Variants in TAB2 observed in about 807,000 individuals in gnomAD.
The protein encoded by TAB2 is TGF-beta-activated kinase 1 and MAP3K7-binding protein 2.
In TAB2, 3 loss-of-function variants were observed where a neutral mutation model predicts 65.0. That is an observed-to-expected ratio of 0.05 (90% CI 0.02 to 0.12). The LOEUF (loss-of-function observed/expected upper bound fraction) is 0.12. TAB2 is among the 10% of genes least tolerant of loss of function. TAB2 has a pLI of 1.00. For synonymous variants in TAB2, 298 were observed against 285.1 expected, an observed-to-expected ratio of 1.05 and a Z score of -0.46; for missense variants, 623 against 840.3, an observed-to-expected ratio of 0.74 and a Z score of 3.20.
chr6:149,295,098 A>G (rs980199676), intron 1 of TAB2, among the ~76,000 whole-genome samples: 9 of 152,210 alleles, frequency 5.9e-5, no homozygotes, highest in Admixed American at 4.6e-4. Context: ...TAGAGTTTTC[A>G]TCTTGAGTGG....
chr6:149,222,240 C>A (rs1039781972), intron 1 of TAB2, among the ~76,000 whole-genome samples: 1 of 152,176 alleles, frequency 6.6e-6, no homozygotes, highest in Non-Finnish European at 1.5e-5. Context: ...AATTACACCA[C>A]CAGCTTTCCT....
chr6:149,388,139 T>C (rs1781862225), intron 3 of TAB2, among the ~76,000 whole-genome samples: 1 of 152,230 alleles, frequency 6.6e-6, no homozygotes, highest in Non-Finnish European at 1.5e-5. Context: ...CTAAGATTTA[T>C]TTCTAGCTCA....
At chr6:149,306,581 C>CA (rs969592029) in intron 1 of TAB2, among the ~76,000 whole-genome samples, 343 of 142,554 alleles carry the variant, frequency 2.4e-3, no homozygotes, top group African/African-American at 6.3e-3. Context: ...AAACAAAAAA[C>CA]AAAAAAAAAC....
At chr6:149,363,618 T>G (rs1780931768) in intron 1 of TAB2, among the ~76,000 whole-genome samples, 1 of 152,204 alleles carries the variant, frequency 6.6e-6, no homozygotes, top group African/African-American at 2.4e-5. Flanking sequence ...GGATAGAATG[T>G]TGACCATTGT....
chr6:149,342,392 C>T (rs1036148221), intron 1 of TAB2, among the ~76,000 whole-genome samples: 1 of 152,170 alleles, frequency 6.6e-6, no homozygotes, highest in Admixed American at 6.5e-5. Flanking sequence ...TCTGTGGTCT[C>T]CTGTTGGACA....
chr6:149,242,409 T>C (rs1312209359), intron 1 of TAB2, among the ~76,000 whole-genome samples: 2 of 152,212 alleles, frequency 1.3e-5, no homozygotes, highest in Non-Finnish European at 2.9e-5. Context: ...CACTTTGAAA[T>C]CTAAATAAAC....
chr6:149,225,695 C>G (rs1041547252), intron 1 of TAB2, among the ~76,000 whole-genome samples: 3 of 151,952 alleles, frequency 2.0e-5, no homozygotes, highest in African/African-American at 4.8e-5. Flanking sequence ...TGGACAGATT[C>G]CAAGTAAACT....
intron 1 of TAB2, chr6:149,220,899 G>C (rs1309351063): frequency 6.6e-6 from 1 of 152,148 alleles, no homozygotes; most frequent in Non-Finnish European, 1.5e-5. Context: ...TTACAAGCGT[G>C]AACCACCATG....
chr6:149,375,772 G>A (rs944200887), intron 2 of TAB2, among the ~76,000 whole-genome samples: 8 of 152,156 alleles, frequency 5.3e-5, no homozygotes, highest in African/African-American at 1.9e-4. Flanking sequence ...GATAAAGATT[G>A]TGATCAGTTT....
At chr6:149,349,075 A>C (rs2114799694) in intron 1 of TAB2, among the ~76,000 whole-genome samples, 1 of 152,172 alleles carries the variant, frequency 6.6e-6, no homozygotes, top group Non-Finnish European at 1.5e-5. Flanking sequence ...ATGAGACCTA[A>C]AGTTTGCTTA....
At chr6:149,286,571 T>C (rs994711461) in intron 1 of TAB2, among the ~76,000 whole-genome samples, 4 of 152,212 alleles carry the variant, frequency 2.6e-5, no homozygotes, top group African/African-American at 7.2e-5. Flanking sequence ...ATGCTTTGAC[T>C]CATTAATTCA....
chr6:149,364,478 A>G (rs1194587943), intron 1 of TAB2, among the ~76,000 whole-genome samples: 1 of 152,050 alleles, frequency 6.6e-6, no homozygotes. Context: ...AGTGCAGAAG[A>G]CGCAGACAGA....
intron 1 of TAB2, among the ~76,000 whole-genome samples, chr6:149,219,430 T>G (rs1356880443): frequency 1.3e-5 from 2 of 152,004 alleles, no homozygotes; most frequent in Admixed American, 1.3e-4. Flanking sequence ...ATAAGGAAAC[T>G]AAGGTCAAAC....
intron 1 of TAB2, among the ~76,000 whole-genome samples, chr6:149,285,690 T>C (rs1045801995): frequency 4.6e-5 from 7 of 152,212 alleles, no homozygotes; most frequent in Non-Finnish European, 7.3e-5. Context: ...ACCCCTTCTA[T>C]ACCTCAACCT....
chr6:149,398,835 A>G (rs566091045), intron 5 of TAB2, among the ~76,000 whole-genome samples: 2 of 152,250 alleles, frequency 1.3e-5, no homozygotes, highest in East Asian at 3.9e-4. Flanking sequence ...ACAGGGATCT[A>G]CTTCTACTTC....
intron 1 of TAB2, among the ~76,000 whole-genome samples, chr6:149,229,410 GTGTGTGTGTT>G (rs1234592581): frequency 6.6e-6 from 1 of 152,178 alleles, no homozygotes; most frequent in East Asian, 1.9e-4. Flanking sequence ...GTGTGTGTGT[GTGTGTGTGTT>G]TGTGTGTGTG....
rs115077115 is a variant in TAB2, at chr6:149,227,783, A to G, written c.-121+9007A>G. On this transcript the variant is annotated intron_variant, in intron 1 of 1. Transcript: ENST00000606202. ...TGTAAAATGTGGAATTTACTTTAAA[A>G]TAATCTGTGAGATGGGAGTGGTCGC... Among the ~76,000 whole-genome samples, 1,390 of 152,342 alleles carry G rather than the reference A, an allele frequency of 9.1e-3. 23 individuals carry two copies. The highest frequency in any genetic ancestry group is 0.032 in the African/African-American group (1,328 of 41,580).
At chr6:149,407,440 G>A (rs567171640) in intron 6 of TAB2, among the ~76,000 whole-genome samples, 2 of 152,180 alleles carry the variant, frequency 1.3e-5, no homozygotes, top group African/African-American at 4.8e-5. Context: ...AGTATATGAA[G>A]GTTCATTTTG....
intron 1 of TAB2, among the ~76,000 whole-genome samples, chr6:149,297,933 G>T (rs1010278744): frequency 1.3e-5 from 2 of 152,146 alleles, no homozygotes. Context: ...TGATTATACT[G>T]CAGGTTCCCT....
Sources: allele counts gnomAD v4.1 joint callset (sites outside exome capture counted in the v4.1 genomes callset), GRCh38; gene constraint gnomAD v4.1.1; transcripts MANE v1.5; gene names NCBI Gene and HGNC (gene_info 2026-07-23, HGNC 2026-07-21).